PDZRN3: variants seen among roughly 807,000 people sequenced by gnomAD.
PDZRN3 encodes E3 ubiquitin-protein ligase PDZRN3.
Under a neutral mutation model 85.7 loss-of-function variants are expected in PDZRN3, and 38 were observed. The ratio of observed to expected loss-of-function variants is 0.44; its 90% CI spans 0.34 to 0.58. The LOEUF is 0.58. PDZRN3 is among the 20% of genes least tolerant of loss of function. The probability of loss-of-function intolerance (pLI) is 0.01; values close to 1 mark genes in which losing one functional copy is unlikely to be tolerated. For missense variants in PDZRN3, 1,629 were observed against 1,506.4 expected (o/e 1.08, Z -1.35); for synonymous variants, 759 against 638.0 (o/e 1.19, Z -2.86).
chr3:73,383,809 C>T lies in PDZRN3; in HGVS notation c.2757G>A (p.Met919Ile). The T allele has an allele frequency of 1.2e-6, 2 of 1,613,652 alleles. No homozygotes were observed. The highest frequency in any genetic ancestry group is 1.7e-6 in the Non-Finnish European group (2 of 1,179,828). The change falls in exon 10 of 10, where the codon ATG (methionine) becomes ATA (isoleucine). Residue 919 changes from methionine (M) to isoleucine (I), a missense_variant. Physicochemically the swap from Met to Ile is conservative, Grantham distance 10. Coordinates refer to ENST00000263666, the MANE Select transcript of PDZRN3 (RefSeq NM_015009.3). ...LSSPTPSEPR[M>I]EWKVKIRSDG... ...CGCTGCGGATCTTCACCTTCCACTC[C>T]ATGCGCGGCTCCGACGGGGTGGGAG...
At chr3:73,467,226 C>T (rs552562597) in intron 3 of PDZRN3, among the ~76,000 whole-genome samples, 1 of 152,092 alleles carries the variant, frequency 6.6e-6, no homozygotes, top group African/African-American at 2.4e-5. Flanking sequence ...CAGGTTAAGT[C>T]CTAATTTTCA....
chr3:73,485,160 G>A (rs943024894), intron 3 of PDZRN3, among the ~76,000 whole-genome samples: 9 of 151,894 alleles, frequency 5.9e-5, no homozygotes, highest in Non-Finnish European at 1.0e-4. Context: ...AAATAATTGC[G>A]GTTTTGCCAC....
intron 3 of PDZRN3, among the ~76,000 whole-genome samples, chr3:73,519,284 T>C (rs1311324420): frequency 3.3e-5 from 5 of 152,164 alleles, no homozygotes; most frequent in South Asian, 2.1e-4. Flanking sequence ...TACAGCTGAA[T>C]GAAAAACAGC....
intron 3 of PDZRN3, among the ~76,000 whole-genome samples, chr3:73,584,522 G>T (rs1256343908): frequency 6.7e-6 from 1 of 150,000 alleles, no homozygotes; most frequent in Admixed American, 6.6e-5. Context: ...TTGTGGATAA[G>T]AAAATAAAAG....
At chr3:73,452,323 G>A (rs1394621601) in intron 3 of PDZRN3, among the ~76,000 whole-genome samples, 1 of 152,156 alleles carries the variant, frequency 6.6e-6, no homozygotes, top group Non-Finnish European at 1.5e-5. Context: ...AATGGATTTA[G>A]ACTTGAGCCA....
chr3:73,546,714 A>G (rs982140796), intron 3 of PDZRN3, among the ~76,000 whole-genome samples: 3 of 152,240 alleles, frequency 2.0e-5, no homozygotes, highest in Non-Finnish European at 2.9e-5. Context: ...TTTACATATA[A>G]CACAAAATGT....
chr3:73,383,301 C>T lies in PDZRN3; in HGVS notation c.*64G>A, dbSNP rs1277656438. 3 of 1,459,548 alleles carry T rather than the reference C, an allele frequency of 2.1e-6. No homozygotes were observed. Among genetic ancestry groups the T allele is most frequent in the African/African-American group, 1.4e-5 (1 of 70,414 alleles). 90.4% of individuals were successfully genotyped at this position (1,459,548 alleles called of 1,614,324 possible). ...ATATACAAAAACTTGCCGCATTGAA[C>T]GAGGCAGGAATTTCTACCCCAGTGG... is the stretch of plus-strand genomic sequence containing the variant. On this transcript the variant is annotated 3_prime_UTR_variant, in exon 10 of 10. Transcript: ENST00000263666.
At chr3:73,616,015 GGGT>G (rs1702756683) in intron 1 of PDZRN3, among the ~76,000 whole-genome samples, 1 of 152,204 alleles carries the variant, frequency 6.6e-6, no homozygotes, top group African/African-American at 2.4e-5. Flanking sequence ...TGCTGTCCCA[GGGT>G]GGTGGTGGGC....
intron 3 of PDZRN3, among the ~76,000 whole-genome samples, chr3:73,572,117 G>A (rs1287594846): frequency 1.3e-5 from 2 of 152,146 alleles, no homozygotes; most frequent in African/African-American, 4.8e-5. Context: ...TGAATAGGTG[G>A]AATTCAGGTG....
Position 73,385,782 on chromosome 3 carries a change from C to T in PDZRN3, c.1522G>A (p.Asp508Asn). ...LLIARPELQL[D>N]EGWMDDDRND... ...CTGTCATCATCCATCCAGCCCTCAT[C>T]CAGCTGCAGGCAAGAGCAGCCAACA... The change falls in exon 9 of 10, where the codon GAT (aspartate) becomes AAT (asparagine). Residue 508 changes from aspartate to asparagine, a missense_variant. By Grantham distance (23) the Asp-to-Asn change is conservative (BLOSUM62 1). Transcript: ENST00000263666. 6.3e-7 allele frequency: 1 copy of T among 1,597,482 alleles called. No homozygotes were observed. Among genetic ancestry groups the T allele is most frequent in the South Asian group, 1.1e-5 (1 of 90,682 alleles).
At chr3:73,614,578 G>A (rs1032557703) in intron 1 of PDZRN3, among the ~76,000 whole-genome samples, 6 of 152,224 alleles carry the variant, frequency 3.9e-5, no homozygotes, top group Non-Finnish European at 8.8e-5. Flanking sequence ...TCTGTGTGAT[G>A]TAACACCTCG....
intron 3 of PDZRN3, among the ~76,000 whole-genome samples, chr3:73,412,225 G>C (rs576183151): frequency 6.6e-6 from 1 of 152,180 alleles, no homozygotes; most frequent in South Asian, 2.1e-4. Flanking sequence ...CGTCATGCCC[G>C]AAGCCTTTAT....
intron 3 of PDZRN3, among the ~76,000 whole-genome samples, chr3:73,450,811 T>C (rs1191409815): frequency 6.6e-6 from 1 of 152,182 alleles, no homozygotes; most frequent in Non-Finnish European, 1.5e-5. Flanking sequence ...TGGCTGGTGC[T>C]GCCCATCAGA....
intron 3 of PDZRN3, among the ~76,000 whole-genome samples, chr3:73,489,060 C>A (rs1703719228): frequency 6.6e-6 from 1 of 152,198 alleles, no homozygotes; most frequent in African/African-American, 2.4e-5. Context: ...GGGCTGCAGG[C>A]CCTTGGGATG....
chr3:73,518,358 T>C (rs1704290854), intron 3 of PDZRN3, among the ~76,000 whole-genome samples: 1 of 151,904 alleles, frequency 6.6e-6, no homozygotes, highest in African/African-American at 2.4e-5. Context: ...GAAGGAAAAA[T>C]AGGTAATTAT....
chr3:73,458,917 G>T (rs990347001), intron 3 of PDZRN3, among the ~76,000 whole-genome samples: 1 of 151,530 alleles, frequency 6.6e-6, no homozygotes, highest in African/African-American at 2.4e-5. Flanking sequence ...GATTCAACCC[G>T]GGAGGTGGAG....
At chr3:73,548,694 T>C (rs1701485185) in intron 3 of PDZRN3, among the ~76,000 whole-genome samples, 1 of 152,248 alleles carries the variant, frequency 6.6e-6, no homozygotes, top group Admixed American at 6.5e-5. Context: ...AGGGAGCTGC[T>C]TGATAGGGTC....
chr3:73,450,843 C>T (rs1220478295), intron 3 of PDZRN3, among the ~76,000 whole-genome samples: 1 of 152,084 alleles, frequency 6.6e-6, no homozygotes, highest in Non-Finnish European at 1.5e-5. Context: ...TTTTCACCCT[C>T]TGGATGAGAC....
intron 3 of PDZRN3, among the ~76,000 whole-genome samples, chr3:73,565,001 T>A (rs75769085): frequency 0.1 from 15,504 of 152,174 alleles, 1,017 homozygotes; most frequent in Admixed American, 0.16. Flanking sequence ...TTATCAAAGT[T>A]ACCCAAGTAC....
Sources: allele counts gnomAD v4.1 joint callset (sites outside exome capture counted in the v4.1 genomes callset), GRCh38; gene constraint gnomAD v4.1.1; transcripts MANE v1.5; gene names NCBI Gene and HGNC (gene_info 2026-07-23, HGNC 2026-07-21).